Variants in MYO10 observed in about 807,000 individuals in gnomAD.
MYO10 encodes the protein unconventional myosin-X.
MYO10 carries 133 observed loss-of-function variants against 257.3 expected under a neutral mutation model. That is an observed-to-expected ratio of 0.52 (90% CI 0.45 to 0.60). The LOEUF is 0.60. MYO10 is among the 20% of genes least tolerant of loss of function. MYO10 has a pLI of 0.00. For synonymous variants in MYO10, 1,104 were observed against 1,028.6 expected (o/e 1.07, Z -1.40); for missense variants, 2,399 against 2,635.7 (o/e 0.91, Z 1.97).
intron 2 of MYO10, among the ~76,000 whole-genome samples, chr5:16,864,716 G>GT (rs977462542): frequency 1.3e-5 from 2 of 152,016 alleles, no homozygotes; most frequent in African/African-American, 4.8e-5. Flanking sequence ...AAGCAGACGA[G>GT]TTTTTTTTCT....
At chr5:16,748,940 C>T (rs901109276) in intron 19 of MYO10, among the ~76,000 whole-genome samples, 2 of 151,894 alleles carry the variant, frequency 1.3e-5, no homozygotes, top group Admixed American at 6.6e-5. Context: ...TTACAGAAGA[C>T]CCCTGTGTGA....
chr5:16,717,445 A>G (rs1738921274), intron 19 of MYO10, among the ~76,000 whole-genome samples: 1 of 152,228 alleles, frequency 6.6e-6, no homozygotes, highest in Admixed American at 6.5e-5. Flanking sequence ...ACATTCCTAG[A>G]GATCAACTTG....
chr5:16,671,579 C>A, intron 37 of MYO10, 37 bp from the exon 38 acceptor site: 1 of 1,613,194 alleles, frequency 6.2e-7, no homozygotes, highest in Non-Finnish European at 8.5e-7. Flanking sequence ...AGAATATGAA[C>A]GAGAAGGGCC....
chr5:16,677,477 G>A (rs1443896257), intron 33 of MYO10, among the ~76,000 whole-genome samples: 3 of 145,420 alleles, frequency 2.1e-5, no homozygotes, highest in South Asian at 2.2e-4. Flanking sequence ...GTGCAGTGGC[G>A]CTATCTTGGC....
At chr5:16,763,135 C>G (rs1448906778) in intron 14 of MYO10, among the ~76,000 whole-genome samples, 1 of 151,970 alleles carries the variant, frequency 6.6e-6, no homozygotes, top group Non-Finnish European at 1.5e-5. Context: ...TTATATAAAT[C>G]TTAAAAAAAA....
intron 25 of MYO10, among the ~76,000 whole-genome samples, chr5:16,700,075 G>C (rs866049673): frequency 6.6e-6 from 1 of 152,140 alleles, no homozygotes. Flanking sequence ...TGAAAGTCAA[G>C]AGAACATTCA....
At chr5:16,847,067 G>A (rs566345706) in intron 2 of MYO10, among the ~76,000 whole-genome samples, 3 of 152,104 alleles carry the variant, frequency 2.0e-5, no homozygotes, top group Non-Finnish European at 2.9e-5. Context: ...GCAGTAAGCC[G>A]AGATTGCACC....
At chr5:16,843,728 A>G (rs984844101) in intron 2 of MYO10, among the ~76,000 whole-genome samples, 2 of 152,214 alleles carry the variant, frequency 1.3e-5, no homozygotes, top group African/African-American at 2.4e-5. Context: ...AGTAGAGCAC[A>G]TCAAATATAT....
intron 3 of MYO10, among the ~76,000 whole-genome samples, chr5:16,802,727 T>C (rs1742157503): frequency 6.7e-6 from 1 of 148,726 alleles, no homozygotes; most frequent in Non-Finnish European, 1.5e-5. Flanking sequence ...TGGTGTTGTA[T>C]AGAATACATT....
intron 19 of MYO10, among the ~76,000 whole-genome samples, chr5:16,752,767 C>T (rs548646296): frequency 6.6e-6 from 1 of 152,256 alleles, no homozygotes; most frequent in South Asian, 2.1e-4. Context: ...CCAGAGTGTA[C>T]AAAGCAAACC....
intron 18 of MYO10, 41 bp from the exon 19 acceptor site, chr5:16,754,949 T>C (rs1232158360): frequency 1.5e-6 from 2 of 1,354,404 alleles, no homozygotes; most frequent in Non-Finnish European, 2.0e-6. Context: ...TCTTATTATG[T>C]CATTCTTTAA....
rs376714829 is a variant in MYO10 at position 16,702,596 on chromosome 5, T to C, written c.2511-8A>G. ...CGCTCTCTCTCTCTTTCTCTAAAAA[T>C]AGTAAAGGAAAAGTGAAAATCAACA... On this transcript the variant is annotated splice_region_variant and splice_polypyrimidine_tract_variant and intron_variant, in intron 23 of 40. Transcript: ENST00000513610. The C allele has an allele frequency of 1.1e-5, 17 of 1,573,610 alleles. No individual in the cohort carries two copies. The East Asian group carries it at 2.5e-4, about 24-fold the overall frequency.
chr5:16,759,311 C>T (rs1740630566), intron 17 of MYO10, among the ~76,000 whole-genome samples: 1 of 152,184 alleles, frequency 6.6e-6, no homozygotes. Flanking sequence ...GTCACCAGGA[C>T]AGTCAGGGAA....
At chr5:16,920,523 G>A (rs1580152606) in intron 1 of MYO10, among the ~76,000 whole-genome samples, 1 of 152,150 alleles carries the variant, frequency 6.6e-6, no homozygotes, top group Admixed American at 6.5e-5. Context: ...AGGGAGGCTG[G>A]GGTGCCACCA....
chr5:16,708,164 T>A (rs181367353), intron 21 of MYO10, among the ~76,000 whole-genome samples: 1 of 152,332 alleles, frequency 6.6e-6, no homozygotes, highest in East Asian at 1.9e-4. Flanking sequence ...CAACTTCTAC[T>A]CCCAACTTTT....
intron 2 of MYO10, among the ~76,000 whole-genome samples, chr5:16,818,778 A>G (rs1408859070): frequency 2.6e-5 from 4 of 152,166 alleles, no homozygotes; most frequent in Admixed American, 1.3e-4. Context: ...TATTTTGACC[A>G]TTGCTATTAG....
chr5:16,803,759 T>C (rs1162883599), intron 3 of MYO10, among the ~76,000 whole-genome samples: 1 of 152,192 alleles, frequency 6.6e-6, no homozygotes, highest in African/African-American at 2.4e-5. Context: ...AGAAAGAACC[T>C]GATTTCTTAA....
chr5:16,912,962 C>T (rs973840013), intron 1 of MYO10, among the ~76,000 whole-genome samples: 1 of 146,948 alleles, frequency 6.8e-6, no homozygotes, highest in Non-Finnish European at 1.5e-5. Flanking sequence ...AATTGAACAC[C>T]AGAACGCAAG....
At chr5:16,811,093 A>G (rs1742425913) in intron 3 of MYO10, among the ~76,000 whole-genome samples, 1 of 151,186 alleles carries the variant, frequency 6.6e-6, no homozygotes, top group African/African-American at 2.4e-5. Flanking sequence ...AAACAAAAAG[A>G]AAACTTTAAC....
Sources: gnomAD v4.1 joint callset for allele counts (sites outside exome capture counted in the v4.1 genomes callset) on GRCh38, gnomAD v4.1.1 for gene constraint, MANE v1.5 for transcripts, NCBI Gene and HGNC (gene_info 2026-07-23, HGNC 2026-07-21) for gene names.